Variants in NEGR1 observed in about 807,000 individuals in gnomAD.
NEGR1 encodes neuronal growth regulator 1.
NEGR1 carries 10 observed loss-of-function variants against 40.9 expected under a neutral mutation model. The ratio of observed to expected loss-of-function variants is 0.24; its 90% CI spans 0.15 to 0.42. NEGR1 has a LOEUF of 0.42. Ranked by LOEUF, NEGR1 falls within the 10% of genes least tolerant of loss-of-function variation. The probability of loss-of-function intolerance (pLI) is 1.00; values close to 1 mark genes in which losing one functional copy is unlikely to be tolerated. For missense variants in NEGR1, 352 were observed against 438.9 expected, an observed-to-expected ratio of 0.80 and a Z score of 1.77; for synonymous variants, 185 against 166.8, an observed-to-expected ratio of 1.11 and a Z score of -0.84.
rs143475349 is a variant in NEGR1 at position 71,464,824 on chromosome 1, G to T, written c.941-57254C>A. On this transcript the variant is annotated intron_variant, in intron 6 of 6. Coordinates refer to ENST00000357731, the MANE Select transcript of NEGR1 (RefSeq NM_173808.3). ...CGGTGAACTGCAGCGTCTTGGTGTT[G>T]AAGGAAGTCTACACAGTGGAGTCGA... 3.3e-5 allele frequency among the ~76,000 whole-genome samples: 5 copies of T among 152,184 alleles called. No individual in the cohort carries two copies. The East Asian group carries it at 7.7e-4, about 24-fold the overall frequency.
chr1:71,479,828 T>G lies in NEGR1; in HGVS notation c.941-72258A>C, dbSNP rs116625918. Among the ~76,000 whole-genome samples, 355 of 152,104 alleles carry G rather than the reference T, an allele frequency of 2.3e-3. 3 individuals carry two copies. Among genetic ancestry groups the G allele is most frequent in the Non-Finnish European group, 4.3e-3 (292 of 67,918 alleles). ...ATATGCAATTAATATTGTTATCGATTTTGTTATCTACTGTGGTGTTGTTGC... is the reference window on the plus strand; with the variant it reads ...ATATGCAATTAATATTGTTATCGATGTTGTTATCTACTGTGGTGTTGTTGC... On this transcript the variant is annotated intron_variant, in intron 6 of 6. Coordinates refer to ENST00000357731, the MANE Select transcript of NEGR1 (RefSeq NM_173808.3).
At chr1:71,663,024 T>G (rs1652119258) in intron 4 of NEGR1, among the ~76,000 whole-genome samples, 1 of 152,044 alleles carries the variant, frequency 6.6e-6, no homozygotes, top group Non-Finnish European at 1.5e-5. Flanking sequence ...TGGCACGATC[T>G]CGGCTCACTG....
chr1:71,830,868 T>A (rs1658815499), intron 2 of NEGR1, among the ~76,000 whole-genome samples: 1 of 151,866 alleles, frequency 6.6e-6, no homozygotes, highest in African/African-American at 2.4e-5. Context: ...ACGCAATACA[T>A]AACACCATGT....
At chr1:71,756,400 A>C (rs1425895690) in intron 3 of NEGR1, among the ~76,000 whole-genome samples, 1 of 138,204 alleles carries the variant, frequency 7.2e-6, no homozygotes, top group Non-Finnish European at 1.5e-5. Context: ...AAAACAAAAA[A>C]CAAAAACAAA....
At position 71,965,721 on chromosome 1, in the gene NEGR1, CA is replaced by C. The variant is rs1325993279; in HGVS notation, c.177-30411del. On this transcript the variant is annotated intron_variant, in intron 1 of 6. Coordinates refer to ENST00000357731, the MANE Select transcript of NEGR1 (RefSeq NM_173808.3). ...AAATATAAACTTTCCTAACAGAATC[CA>C]ATATAATAAATTAACATTTAGAAAG... is the stretch of plus-strand genomic sequence containing the variant. Among the ~76,000 whole-genome samples the C allele has an allele frequency of 1.1e-4, 16 of 151,882 alleles. 1 individual carries two copies. In the East Asian group the frequency reaches 2.9e-3, roughly 27 times the overall value.
intron 1 of NEGR1, among the ~76,000 whole-genome samples, chr1:72,125,978 A>G (rs564152233): frequency 6.6e-6 from 1 of 152,278 alleles, no homozygotes; most frequent in African/African-American, 2.4e-5. Flanking sequence ...AACAAAATAA[A>G]TAATTCTGGT....
At chr1:71,530,407 C>A (rs357237) in intron 6 of NEGR1, among the ~76,000 whole-genome samples, 85,652 of 150,872 alleles carry the variant, frequency 0.57, 24,774 homozygotes, top group Middle Eastern at 0.65. Context: ...CAGCAGATTG[C>A]ACATTCTTTT....
At chr1:71,433,316 A>G (rs1011308094) in intron 6 of NEGR1, among the ~76,000 whole-genome samples, 9 of 152,238 alleles carry the variant, frequency 5.9e-5, no homozygotes, top group Non-Finnish European at 1.0e-4. Context: ...TAACGTATCT[A>G]TCATCTCACA....
chr1:71,728,247 A>C (rs1654737596), intron 3 of NEGR1, among the ~76,000 whole-genome samples: 1 of 152,164 alleles, frequency 6.6e-6, no homozygotes, highest in African/African-American at 2.4e-5. Flanking sequence ...AACTCAATCA[A>C]TATACAACCA....
intron 4 of NEGR1, among the ~76,000 whole-genome samples, chr1:71,615,619 A>G: frequency 6.6e-6 from 1 of 152,214 alleles, no homozygotes; most frequent in East Asian, 1.9e-4. Flanking sequence ...GCTTGAGTAG[A>G]ATAGGTGAGA....
chr1:71,656,511 C>G (rs1651882091), intron 4 of NEGR1, among the ~76,000 whole-genome samples: 1 of 152,158 alleles, frequency 6.6e-6, no homozygotes, highest in African/African-American at 2.4e-5. Flanking sequence ...CTCCCGGGTT[C>G]ACGCCATTCT....
At chr1:72,272,412 T>C (rs895421987) in intron 1 of NEGR1, among the ~76,000 whole-genome samples, 2 of 151,948 alleles carry the variant, frequency 1.3e-5, no homozygotes, top group Non-Finnish European at 2.9e-5. Flanking sequence ...TCAAATATTA[T>C]GTATCTAAAT....
At chr1:71,690,305 T>G (rs563910315) in intron 4 of NEGR1, among the ~76,000 whole-genome samples, 35 of 151,978 alleles carry the variant, frequency 2.3e-4, no homozygotes, top group Non-Finnish European at 3.8e-4. Context: ...ATAAATTATC[T>G]TGCTTCACGT....
intron 1 of NEGR1, among the ~76,000 whole-genome samples, chr1:71,959,871 A>T (rs1478545081): frequency 6.6e-6 from 1 of 152,186 alleles, no homozygotes; most frequent in African/African-American, 2.4e-5. Context: ...TATGTACCAC[A>T]GACAACGTTG....
intron 1 of NEGR1, among the ~76,000 whole-genome samples, chr1:72,249,947 A>G (rs1468900899): frequency 6.6e-6 from 1 of 151,784 alleles, no homozygotes; most frequent in Non-Finnish European, 1.5e-5. Flanking sequence ...AATGACAAAA[A>G]CCTCCCTTTC....
At chr1:71,975,928 G>A (rs904868061) in intron 1 of NEGR1, among the ~76,000 whole-genome samples, 1 of 152,198 alleles carries the variant, frequency 6.6e-6, no homozygotes. Context: ...GTTATTTGGA[G>A]AGAGCAAACT....
At chr1:71,543,856 C>A (rs1647799037) in intron 6 of NEGR1, among the ~76,000 whole-genome samples, 1 of 151,708 alleles carries the variant, frequency 6.6e-6, no homozygotes, top group Non-Finnish European at 1.5e-5. Flanking sequence ...CAACATTAAA[C>A]TCTTGGAAAA....
At chr1:71,483,460 G>T (rs1011179258) in intron 6 of NEGR1, among the ~76,000 whole-genome samples, 3 of 151,634 alleles carry the variant, frequency 2.0e-5, no homozygotes, top group African/African-American at 7.3e-5. Context: ...AGAGATGATG[G>T]TGTGAGTATT....
At chr1:72,246,204 C>G (rs1654898284) in intron 1 of NEGR1, among the ~76,000 whole-genome samples, 1 of 152,174 alleles carries the variant, frequency 6.6e-6, no homozygotes, top group Non-Finnish European at 1.5e-5. Flanking sequence ...CCATCACTTT[C>G]CTGACTAGAT....
Sources: gnomAD v4.1 joint callset for allele counts (sites outside exome capture counted in the v4.1 genomes callset) on GRCh38, gnomAD v4.1.1 for gene constraint, MANE v1.5 for transcripts, NCBI Gene and HGNC (gene_info 2026-07-23, HGNC 2026-07-21) for gene names.